The following GPC6 variants were observed in gnomAD, a reference collection of about 807,000 sequenced individuals.
GPC6 encodes the protein glypican-6.
A neutral mutation model predicts 55.2 loss-of-function variants in GPC6; 14 were observed. The observed-to-expected ratio is 0.25, with a 90% CI of 0.17 to 0.40. The LOEUF is 0.40. Ranked by LOEUF, GPC6 falls within the 10% of genes least tolerant of loss-of-function variation. The pLI is 1.00. For missense variants in GPC6, 641 were observed against 708.5 expected, an observed-to-expected ratio of 0.90 and a Z score of 1.08; for synonymous variants, 278 against 259.6, an observed-to-expected ratio of 1.07 and a Z score of -0.68.
At chr13:93,575,747 A>G (rs1286662418) in intron 2 of GPC6, among the ~76,000 whole-genome samples, 1 of 152,176 alleles carries the variant, frequency 6.6e-6, no homozygotes, top group Admixed American at 6.5e-5. Context: ...TGCCTTCTGA[A>G]GAATATTGCA....
At chr13:93,991,457 T>G (rs1416700880) in intron 3 of GPC6, among the ~76,000 whole-genome samples, 2 of 152,200 alleles carry the variant, frequency 1.3e-5, no homozygotes, top group African/African-American at 4.8e-5. Context: ...GAGTAGATGT[T>G]CAACAGATAA....
intron 4 of GPC6, among the ~76,000 whole-genome samples, chr13:94,086,066 C>CT (rs1328068448): frequency 6.6e-6 from 1 of 151,290 alleles, no homozygotes; most frequent in African/African-American, 2.4e-5. Context: ...TGATTTTATT[C>CT]TTTTTTTGTT....
intron 1 of GPC6, among the ~76,000 whole-genome samples, chr13:93,367,292 A>G (rs1000863584): frequency 1.8e-4 from 27 of 152,008 alleles, no homozygotes; most frequent in Non-Finnish European, 1.2e-4. Context: ...AAAGAGAAGC[A>G]AGGAATATCC....
At chr13:93,917,198 T>C (rs1397724438) in intron 3 of GPC6, among the ~76,000 whole-genome samples, 2 of 152,200 alleles carry the variant, frequency 1.3e-5, no homozygotes, top group South Asian at 2.1e-4. Context: ...TTTTTTAATA[T>C]TCAAAAACAA....
chr13:94,086,434 C>A (rs1439806000), intron 4 of GPC6, among the ~76,000 whole-genome samples: 2 of 151,320 alleles, frequency 1.3e-5, no homozygotes, highest in Admixed American at 6.6e-5. Context: ...ACCCCAAGGA[C>A]TGGGGAGAGG....
chr13:93,865,679 G>T (rs1287575259), intron 3 of GPC6, among the ~76,000 whole-genome samples: 4 of 151,624 alleles, frequency 2.6e-5, no homozygotes, highest in Non-Finnish European at 5.9e-5. Context: ...TGATAATAAA[G>T]ATATTGATTC....
At chr13:94,288,771 ATATT>A (rs1332535531) in intron 5 of GPC6, among the ~76,000 whole-genome samples, 2 of 109,456 alleles carry the variant, frequency 1.8e-5, no homozygotes, top group Non-Finnish European at 3.5e-5. Context: ...AAATATATAT[ATATT>A]TGTTATATAT....
intron 6 of GPC6, among the ~76,000 whole-genome samples, chr13:94,319,661 T>C (rs896306938): frequency 6.6e-6 from 1 of 152,190 alleles, no homozygotes; most frequent in Admixed American, 6.5e-5. Context: ...TGCTGAACTG[T>C]AATTCTAGGT....
intron 2 of GPC6, among the ~76,000 whole-genome samples, chr13:93,656,908 AT>A (rs1438359297): frequency 6.6e-6 from 1 of 152,022 alleles, no homozygotes; most frequent in East Asian, 1.9e-4. Context: ...GAGATGAATG[AT>A]TCTCTACAAT....
chr13:93,718,850 TC>T (rs1181732243), intron 2 of GPC6, among the ~76,000 whole-genome samples: 2 of 151,978 alleles, frequency 1.3e-5, no homozygotes, highest in East Asian at 3.9e-4. Flanking sequence ...AATCCTTTCC[TC>T]ATTCCTTGTT....
intron 3 of GPC6, among the ~76,000 whole-genome samples, chr13:93,841,787 G>C (rs548494544): frequency 6.6e-6 from 1 of 152,172 alleles, no homozygotes; most frequent in Admixed American, 6.6e-5. Flanking sequence ...ACTGAACAGA[G>C]AGCAGTGGAT....
At chr13:94,021,241 A>G (rs1261267615) in intron 3 of GPC6, among the ~76,000 whole-genome samples, 2 of 149,860 alleles carry the variant, frequency 1.3e-5, no homozygotes, top group Non-Finnish European at 3.0e-5. Context: ...AGCATCTGCT[A>G]GGTGTATGTT....
intron 1 of GPC6, among the ~76,000 whole-genome samples, chr13:93,402,700 A>G (rs1876136079): frequency 6.6e-6 from 1 of 152,150 alleles, no homozygotes; most frequent in African/African-American, 2.4e-5. Flanking sequence ...CAGCCTTAAA[A>G]TATGTGTGAG....
chr13:93,976,172 C>G (rs1048143644), intron 3 of GPC6, among the ~76,000 whole-genome samples: 3 of 152,120 alleles, frequency 2.0e-5, no homozygotes, highest in African/African-American at 7.2e-5. Flanking sequence ...CTTTCTATGT[C>G]TCCTCTGATG....
intron 4 of GPC6, among the ~76,000 whole-genome samples, chr13:94,101,796 AC>A (rs1471568739): frequency 3.9e-5 from 6 of 152,038 alleles, no homozygotes; most frequent in Non-Finnish European, 7.4e-5. Flanking sequence ...AAAAAAAAAA[AC>A]CAAGCAAATA....
intron 2 of GPC6, among the ~76,000 whole-genome samples, chr13:93,728,704 C>T (rs1395906292): frequency 1.3e-5 from 2 of 151,958 alleles, no homozygotes; most frequent in Admixed American, 1.3e-4. Flanking sequence ...GTAGCTGGGA[C>T]TTTAATCACC....
chr13:93,500,675 T>A (rs1440051466), intron 1 of GPC6, among the ~76,000 whole-genome samples: 3 of 152,200 alleles, frequency 2.0e-5, no homozygotes, highest in Non-Finnish European at 4.4e-5. Context: ...CAGCTCTGTT[T>A]AAATATCAGT....
rs1225025280 is a variant in GPC6, at chr13:93,758,638, C to CT, written c.320-71506dup. Reference sequence around the variant, plus strand: ...GGTATATTTATCTACACATATAGGCCTTTTTTTTTTCCTTCTTAAGAATGC... The same window carrying CT: ...GGTATATTTATCTACACATATAGGCCTTTTTTTTTTTCCTTCTTAAGAATGC... On this transcript the variant is annotated intron_variant, in intron 2 of 8. Coordinates refer to ENST00000377047, the MANE Select transcript of GPC6 (RefSeq NM_005708.5). Among the ~76,000 whole-genome samples, 790 of 148,324 alleles carry CT rather than the reference C, an allele frequency of 5.3e-3. 5 individuals carry two copies. Among genetic ancestry groups the CT allele is most frequent in the African/African-American group, 0.012 (498 of 40,474 alleles).
chr13:94,294,356 C>A (rs1239521521), intron 5 of GPC6, among the ~76,000 whole-genome samples: 1 of 151,362 alleles, frequency 6.6e-6, no homozygotes, highest in African/African-American at 2.4e-5. Flanking sequence ...AGGGTAGAAC[C>A]CATTAAAGAT....
Sources: allele counts gnomAD v4.1 joint callset (sites outside exome capture counted in the v4.1 genomes callset), GRCh38; gene constraint gnomAD v4.1.1; transcripts MANE v1.5; gene names NCBI Gene and HGNC (gene_info 2026-07-23, HGNC 2026-07-21).